Variants in JAZF1 observed in about 807,000 individuals in gnomAD.
JAZF1 encodes juxtaposed with another zinc finger protein 1.
Under a neutral mutation model 26.4 loss-of-function variants are expected in JAZF1, and 8 were observed. That is an observed-to-expected ratio of 0.30 (90% CI 0.18 to 0.55). The LOEUF (loss-of-function observed/expected upper bound fraction) is 0.55, where lower values mean the gene tolerates loss of function less well. Ranked by LOEUF, JAZF1 falls within the 20% of genes least tolerant of loss-of-function variation. The probability of loss-of-function intolerance (pLI) is 0.94; values close to 1 mark genes in which losing one functional copy is unlikely to be tolerated. For synonymous variants in JAZF1, 126 were observed against 122.3 expected (o/e 1.03, Z -0.20); for missense variants, 199 against 322.0 (o/e 0.62, Z 2.92).
intron 2 of JAZF1, among the ~76,000 whole-genome samples, chr7:27,922,669 A>G (rs923061263): frequency 2.2e-5 from 3 of 139,000 alleles, no homozygotes; most frequent in African/African-American, 7.5e-5. Context: ...AGCTTTTAAT[A>G]ATGGGTTTTT....
rs10244869 is a variant in JAZF1, at chr7:28,131,973, C to T, written c.115+48490G>A. ...CTCTCTGGAATATATGGGGCAAAGA[C>T]TGACCACATAAAATATTGATTTGAA... On this transcript the variant is annotated intron_variant, in intron 1 of 4. Coordinates refer to ENST00000283928, the MANE Select transcript of JAZF1 (RefSeq NM_175061.4). Among the ~76,000 whole-genome samples the T allele has an allele frequency of 8.6e-3, 1,307 of 152,214 alleles. 13 individuals are homozygous for T. The highest frequency in any genetic ancestry group is 0.029 in the African/African-American group (1,220 of 41,536).
At chr7:27,944,069 A>G (rs1784891499) in intron 2 of JAZF1, among the ~76,000 whole-genome samples, 1 of 152,040 alleles carries the variant, frequency 6.6e-6, no homozygotes, top group Non-Finnish European at 1.5e-5. Context: ...AACTATGGAA[A>G]CATATCCTCT....
chr7:28,073,899 T>C (rs1024164107), intron 1 of JAZF1, among the ~76,000 whole-genome samples: 2 of 151,088 alleles, frequency 1.3e-5, no homozygotes, highest in African/African-American at 4.9e-5. Flanking sequence ...TAGAAAGAAA[T>C]TGCATAAGAA....
At chr7:28,037,875 G>C (rs956938481) in intron 1 of JAZF1, among the ~76,000 whole-genome samples, 2 of 152,152 alleles carry the variant, frequency 1.3e-5, no homozygotes, top group African/African-American at 4.8e-5. Context: ...AATTATCACA[G>C]ATGTCTCCAG....
At chr7:28,082,434 G>A (rs538289240) in intron 1 of JAZF1, among the ~76,000 whole-genome samples, 2 of 152,262 alleles carry the variant, frequency 1.3e-5, no homozygotes, top group East Asian at 1.9e-4. Flanking sequence ...CACCCTTGGT[G>A]AGTCTTTGAC....
intron 1 of JAZF1, among the ~76,000 whole-genome samples, chr7:28,107,529 A>G (rs184513576): frequency 6.6e-6 from 1 of 152,334 alleles, no homozygotes; most frequent in Non-Finnish European, 1.5e-5. Context: ...ATAGGAATCT[A>G]GTGTCTCCAT....
intron 1 of JAZF1, among the ~76,000 whole-genome samples, chr7:28,001,214 C>T (rs543187590): frequency 3.9e-5 from 6 of 151,930 alleles, no homozygotes; most frequent in South Asian, 4.2e-4. Context: ...ATTAGCCAGG[C>T]ATGGTGGCGT....
At chr7:28,067,636 A>C (rs1360375462) in intron 1 of JAZF1, among the ~76,000 whole-genome samples, 1 of 152,218 alleles carries the variant, frequency 6.6e-6, no homozygotes, top group East Asian at 1.9e-4. Context: ...GTCTAATAAA[A>C]TGAAAAAATG....
chr7:28,165,085 C>T (rs1333016022), intron 1 of JAZF1, among the ~76,000 whole-genome samples: 1 of 152,100 alleles, frequency 6.6e-6, no homozygotes, highest in Non-Finnish European at 1.5e-5. Flanking sequence ...GGGAGGATTG[C>T]TTGAGCCGGA....
At chr7:28,111,974 T>C (rs1308298061) in intron 1 of JAZF1, among the ~76,000 whole-genome samples, 1 of 152,242 alleles carries the variant, frequency 6.6e-6, no homozygotes, top group African/African-American at 2.4e-5. Flanking sequence ...TATGGTGCTA[T>C]ACCAACATCT....
intron 1 of JAZF1, among the ~76,000 whole-genome samples, chr7:28,152,788 G>A (rs1025728590): frequency 3.9e-5 from 6 of 152,198 alleles, no homozygotes; most frequent in African/African-American, 1.2e-4. Flanking sequence ...ACACAGGACA[G>A]GAAAAGGAAG....
chr7:27,857,129 G>A (rs1783278794), intron 3 of JAZF1, among the ~76,000 whole-genome samples: 2 of 152,222 alleles, frequency 1.3e-5, no homozygotes, highest in African/African-American at 4.8e-5. Context: ...GGGAGGCTTG[G>A]GCCGCGCAGG....
At chr7:28,056,988 A>G (rs1168355709) in intron 1 of JAZF1, among the ~76,000 whole-genome samples, 1 of 152,294 alleles carries the variant, frequency 6.6e-6, no homozygotes, top group East Asian at 1.9e-4. Flanking sequence ...AATTCTATAC[A>G]TTCATTCTGG....
chr7:28,038,469 G>A (rs972055813), intron 1 of JAZF1, among the ~76,000 whole-genome samples: 12 of 151,950 alleles, frequency 7.9e-5, no homozygotes, highest in Admixed American at 4.6e-4. Context: ...ATTCTACTAC[G>A]GAATTTGTTG....
chr7:28,001,218 G>A (rs1786152664), intron 1 of JAZF1, among the ~76,000 whole-genome samples: 1 of 151,958 alleles, frequency 6.6e-6, no homozygotes, highest in East Asian at 2.0e-4. Flanking sequence ...GCCAGGCATG[G>A]TGGCGTGCCT....
intron 3 of JAZF1, among the ~76,000 whole-genome samples, chr7:27,888,369 T>C (rs1196874610): frequency 6.6e-6 from 1 of 152,240 alleles, no homozygotes; most frequent in Non-Finnish European, 1.5e-5. Context: ...AGGTGGGAGA[T>C]GTATGTTAGT....
At chr7:27,925,499 G>GA (rs1289453637) in intron 2 of JAZF1, among the ~76,000 whole-genome samples, 1 of 152,146 alleles carries the variant, frequency 6.6e-6, no homozygotes, top group Non-Finnish European at 1.5e-5. Context: ...ATAGCTCATT[G>GA]CAGCCTCTAA....
intron 1 of JAZF1, among the ~76,000 whole-genome samples, chr7:28,124,011 C>T (rs146673786): frequency 1.5e-4 from 23 of 152,268 alleles, no homozygotes; most frequent in Middle Eastern, 3.4e-3. Flanking sequence ...TGCAGCATCT[C>T]GGTCAGTCCC....
intron 2 of JAZF1, among the ~76,000 whole-genome samples, chr7:27,939,748 G>C (rs1223137040): frequency 6.6e-6 from 1 of 152,164 alleles, no homozygotes; most frequent in Non-Finnish European, 1.5e-5. Flanking sequence ...ACTCGCAATA[G>C]GGAGACTGGT....
Sources: gnomAD v4.1 joint callset for allele counts (sites outside exome capture counted in the v4.1 genomes callset) on GRCh38, gnomAD v4.1.1 for gene constraint, MANE v1.5 for transcripts, NCBI Gene and HGNC (gene_info 2026-07-23, HGNC 2026-07-21) for gene names.